SETBP1: variants seen among roughly 807,000 people sequenced by gnomAD.
The protein encoded by SETBP1 is SET binding protein 1.
SETBP1 carries 9 observed loss-of-function variants against 101.0 expected under a neutral mutation model. That is an observed-to-expected ratio of 0.09 (90% confidence interval 0.05 to 0.16). SETBP1 has a LOEUF of 0.16. Among genes scored for constraint, SETBP1 ranks in the 10% least tolerant of loss-of-function variants. The pLI, the probability that SETBP1 is intolerant of heterozygous loss-of-function variation, is 1.00. For missense variants in SETBP1, 1,858 were observed against 2,033.8 expected (o/e 0.91, Z 1.66); for synonymous variants, 818 against 788.5 (o/e 1.04, Z -0.63).
At chr18:45,060,722 A>G (rs929557401) in intron 5 of SETBP1, among the ~76,000 whole-genome samples, 2 of 152,194 alleles carry the variant, frequency 1.3e-5, no homozygotes, top group Non-Finnish European at 2.9e-5. Context: ...ATATGGAATT[A>G]TCTGCTATCT....
chr18:44,803,909 A>G (rs2071668415), intron 2 of SETBP1, among the ~76,000 whole-genome samples: 1 of 151,846 alleles, frequency 6.6e-6, no homozygotes, highest in South Asian at 2.1e-4. Context: ...ATGTCTTCTC[A>G]TGGTCTGTTG....
chr18:44,940,781 A>G (rs1475551695), intron 3 of SETBP1, among the ~76,000 whole-genome samples: 2 of 152,188 alleles, frequency 1.3e-5, no homozygotes, highest in East Asian at 3.8e-4. Context: ...AATATTTTGT[A>G]TACACCAATA....
chr18:44,748,838 A>C (rs1042648216), intron 2 of SETBP1, among the ~76,000 whole-genome samples: 1 of 152,190 alleles, frequency 6.6e-6, no homozygotes, highest in Non-Finnish European at 1.5e-5. Context: ...GCAACGAGAC[A>C]TATTTGCACA....
intron 3 of SETBP1, among the ~76,000 whole-genome samples, chr18:44,937,454 CAAAAAAAAA>C (rs34414710): frequency 4.8e-5 from 4 of 83,394 alleles, no homozygotes; most frequent in African/African-American, 1.4e-4. Flanking sequence ...GACTCCGTCT[CAAAAAAAAA>C]AAAAAAAAAA....
intron 3 of SETBP1, among the ~76,000 whole-genome samples, chr18:44,932,359 G>A (rs2070857034): frequency 6.6e-6 from 1 of 152,158 alleles, no homozygotes; most frequent in South Asian, 2.1e-4. Context: ...TTTATCTCTG[G>A]CTGCCCTTAA....
chr18:44,824,790 C>T (rs1427089872), intron 2 of SETBP1, among the ~76,000 whole-genome samples: 1 of 151,860 alleles, frequency 6.6e-6, no homozygotes, highest in Non-Finnish European at 1.5e-5. Context: ...AGAAAGAGAG[C>T]AATAGGAAGG....
rs1371702338 is a variant in SETBP1 at position 44,950,144 on chromosome 18, C to T, written c.804C>T (p.Gly268=). The T allele has an allele frequency of 1.2e-6, 2 of 1,613,892 alleles. No individual in the cohort carries two copies. The highest frequency in any genetic ancestry group is 1.6e-4 in the Middle Eastern group (1 of 6,062). The part of the protein sequence containing the change: ...ASFAKAQGKK[G]SAGNTWSQLS... ...TTGCAAAGGCCCAGGGTAAGAAAGG[C>T]AGTGCAGGGAACACGTGGAGTCAGT... The change falls in exon 4 of 6, where the codon GGC becomes GGT. Residue 268 remains glycine, a synonymous_variant. Coordinates refer to ENST00000649279, the MANE Select transcript of SETBP1 (RefSeq NM_015559.3).
chr18:44,868,129 G>A (rs1304752411), intron 2 of SETBP1, among the ~76,000 whole-genome samples: 1 of 152,114 alleles, frequency 6.6e-6, no homozygotes, highest in African/African-American at 2.4e-5. Flanking sequence ...CAAAACCCTG[G>A]AAAGGATGCA....
chr18:44,788,577 A>G (rs576839488), intron 2 of SETBP1, among the ~76,000 whole-genome samples: 1 of 152,154 alleles, frequency 6.6e-6, no homozygotes, highest in Admixed American at 6.5e-5. Context: ...CAGGCTCAAG[A>G]CCTTATCTTT....
At chr18:44,767,834 A>G (rs909643100) in intron 2 of SETBP1, among the ~76,000 whole-genome samples, 21 of 152,204 alleles carry the variant, frequency 1.4e-4, no homozygotes, top group African/African-American at 5.1e-4. Flanking sequence ...TTCTCAAACA[A>G]GCCTTTGATA....
intron 1 of SETBP1, among the ~76,000 whole-genome samples, chr18:44,684,786 A>G (rs2068810484): frequency 6.6e-6 from 1 of 151,984 alleles, no homozygotes; most frequent in Non-Finnish European, 1.5e-5. Context: ...AGCTGGGATT[A>G]CAGGCACCCA....
intron 2 of SETBP1, among the ~76,000 whole-genome samples, chr18:44,727,327 G>A (rs1265292563): frequency 6.6e-6 from 1 of 152,172 alleles, no homozygotes; most frequent in African/African-American, 2.4e-5. Flanking sequence ...AGAGGTTCCT[G>A]TCTTGAGGCA....
At chr18:44,918,876 G>A (rs923410618) in intron 3 of SETBP1, among the ~76,000 whole-genome samples, 2 of 152,198 alleles carry the variant, frequency 1.3e-5, no homozygotes, top group Admixed American at 6.5e-5. Context: ...AGAACTGTAG[G>A]GGAAACTCCC....
chr18:44,933,584 C>T (rs1272614829), intron 3 of SETBP1, among the ~76,000 whole-genome samples: 1 of 152,198 alleles, frequency 6.6e-6, no homozygotes, highest in African/African-American at 2.4e-5. Context: ...CGTCCTTGAG[C>T]TCCGTGGGCT....
At chr18:44,756,320 G>A (rs569474564) in intron 2 of SETBP1, among the ~76,000 whole-genome samples, 1 of 152,254 alleles carries the variant, frequency 6.6e-6, no homozygotes, top group South Asian at 2.1e-4. Context: ...CTCCACATGT[G>A]AGAAGTGCTA....
At chr18:45,017,361 ATG>A (rs1402849020) in intron 4 of SETBP1, among the ~76,000 whole-genome samples, 1 of 152,160 alleles carries the variant, frequency 6.6e-6, no homozygotes, top group African/African-American at 2.4e-5. Context: ...ACTCTGCAAA[ATG>A]TGTCCCCTTG....
intron 3 of SETBP1, among the ~76,000 whole-genome samples, chr18:44,917,349 G>C (rs1398107176): frequency 2.0e-5 from 3 of 152,178 alleles, no homozygotes; most frequent in African/African-American, 7.2e-5. Context: ...TGCCTGGGGA[G>C]AGGCAGTTTG....
In SETBP1 at chr18:45,007,364, C is replaced by T. The variant is rs886959310; in HGVS notation, c.4001-31121C>T. 2.6e-5 allele frequency among the ~76,000 whole-genome samples: 4 copies of T among 152,116 alleles called. No homozygotes were observed. The South Asian group carries it at 8.3e-4, about 32-fold the overall frequency. On this transcript the variant is annotated intron_variant, in intron 4 of 5. Transcript: ENST00000649279. ...TAAATGTACTTGCTAGAAAACAATACACATCTTGAGGGTTTGCTGATGAAA... is the reference window on the plus strand; with the variant it reads ...TAAATGTACTTGCTAGAAAACAATATACATCTTGAGGGTTTGCTGATGAAA...
intron 3 of SETBP1, among the ~76,000 whole-genome samples, chr18:44,873,138 A>G (rs1196791094): frequency 2.0e-5 from 3 of 152,220 alleles, no homozygotes; most frequent in Admixed American, 1.3e-4. Context: ...GAGAAAACAG[A>G]ACTTTCACTC....
Sources: allele counts gnomAD v4.1 joint callset (sites outside exome capture counted in the v4.1 genomes callset), GRCh38; gene constraint gnomAD v4.1.1; transcripts MANE v1.5; gene names NCBI Gene and HGNC (gene_info 2026-07-23, HGNC 2026-07-21).